Variants in SBSPON observed in about 807,000 individuals in gnomAD.
SBSPON encodes somatomedin-B and thrombospondin type-1 domain-containing protein.
In SBSPON, 30 loss-of-function variants were observed where a neutral mutation model predicts 35.8. The ratio of observed to expected loss-of-function variants is 0.84; its 90% CI spans 0.63 to 1.14. SBSPON has a LOEUF of 1.14. Among genes scored for constraint, SBSPON ranks in the 50% most tolerant of loss-of-function variants. The probability of loss-of-function intolerance (pLI) is 0.00; values close to 1 mark genes in which losing one functional copy is unlikely to be tolerated. For synonymous variants in SBSPON, 136 were observed against 135.9 expected, an observed-to-expected ratio of 1.00 and a Z score of 0.00; for missense variants, 364 against 357.7, an observed-to-expected ratio of 1.02 and a Z score of -0.14.
chr8:73,089,549 G>T (rs1362698414), intron 1 of SBSPON, among the ~76,000 whole-genome samples: 1 of 135,576 alleles, frequency 7.4e-6, no homozygotes, highest in East Asian at 2.0e-4. Context: ...GAGTGAATGA[G>T]ACTCCGTCTC....
intron 2 of SBSPON, among the ~76,000 whole-genome samples, chr8:73,074,005 C>A (rs192957840): frequency 6.6e-6 from 1 of 152,282 alleles, no homozygotes; most frequent in African/African-American, 2.4e-5. Context: ...CAGGATCCCT[C>A]TCTGTTTCTC....
rs1810379672 is a variant in SBSPON at position 73,065,902 on chromosome 8, G to A, written c.*1439C>T. On this transcript the variant is annotated 3_prime_UTR_variant, in exon 5 of 5. Coordinates refer to ENST00000297354, the MANE Select transcript of SBSPON (RefSeq NM_153225.4). Reference sequence around the variant, plus strand: ...CTGACTTAAAGTTGCTAGCCTTGATGAGACTCACATATTTTATTATTAATT... The same window carrying A: ...CTGACTTAAAGTTGCTAGCCTTGATAAGACTCACATATTTTATTATTAATT... 1.3e-5 allele frequency: 2 copies of A among 152,086 alleles called. No individual in the cohort carries two copies. Among genetic ancestry groups the A allele is most frequent in the African/African-American group, 4.8e-5 (2 of 41,414 alleles). The allele number at this position is 152,086 out of a possible 1,614,324, so 9.4% of individuals were successfully genotyped here.
At chr8:73,091,110 T>C (rs1810924473) in intron 1 of SBSPON, among the ~76,000 whole-genome samples, 1 of 152,176 alleles carries the variant, frequency 6.6e-6, no homozygotes, top group Non-Finnish European at 1.5e-5. Flanking sequence ...CTGTTCACCA[T>C]TTTGGCCTCA....
chr8:73,093,129 G>A lies in SBSPON; in HGVS notation c.-62C>T. 1 of 924,038 alleles carries A rather than the reference G, an allele frequency of 1.1e-6. No individual in the cohort carries two copies. Among genetic ancestry groups the A allele is most frequent in the Non-Finnish European group, 1.4e-6 (1 of 713,872 alleles). The allele number at this position is 924,038 out of a possible 1,614,324, so 57.2% of individuals were successfully genotyped here. A position where few individuals can be genotyped will look rare whatever the true frequency, so the allele number is the denominator to read the frequency against. ...CCCCGGGGCAAGCGCTCTGATCCTCGGCTGGCCGCGGCCCGGGAGCTGCCC... is the reference window on the plus strand; with the variant it reads ...CCCCGGGGCAAGCGCTCTGATCCTCAGCTGGCCGCGGCCCGGGAGCTGCCC... On this transcript the variant is annotated 5_prime_UTR_variant, in exon 1 of 5. Transcript: ENST00000297354.
chr8:73,084,749 GACACAC>G (rs57178636), intron 1 of SBSPON, among the ~76,000 whole-genome samples: 10,144 of 134,296 alleles, frequency 0.076, 378 homozygotes, highest in Admixed American at 0.11. Context: ...CCACTACACA[GACACAC>G]ACACACACAC....
At chr8:73,078,433 G>A (rs1810634294) in intron 2 of SBSPON, among the ~76,000 whole-genome samples, 1 of 152,194 alleles carries the variant, frequency 6.6e-6, no homozygotes, top group East Asian at 1.9e-4. Flanking sequence ...TATGATAGTA[G>A]GGAAGGAGGC....
chr8:73,078,729 A>C (rs536377853), intron 2 of SBSPON, among the ~76,000 whole-genome samples: 1 of 152,244 alleles, frequency 6.6e-6, no homozygotes, highest in African/African-American at 2.4e-5. Flanking sequence ...GACTGAGCGT[A>C]ATTTTGTTCT....
At chr8:73,074,687 T>G in intron 2 of SBSPON, 1 of 437,222 alleles carries the variant, frequency 2.3e-6, no homozygotes. Context: ...CGAATCATTA[T>G]GCTCTATGTG....
intron 1 of SBSPON, among the ~76,000 whole-genome samples, chr8:73,091,937 G>C (rs2130049599): frequency 6.6e-6 from 1 of 152,324 alleles, no homozygotes; most frequent in Non-Finnish European, 1.5e-5. Context: ...GGATCCTTCA[G>C]CTCGAACCCT....
intron 1 of SBSPON, among the ~76,000 whole-genome samples, 165 bp from the exon 2 acceptor site, chr8:73,081,378 T>C (rs1810701633): frequency 6.6e-6 from 1 of 152,138 alleles, no homozygotes; most frequent in Non-Finnish European, 1.5e-5. Flanking sequence ...CAGATGACAC[T>C]GATTCCACCT....
At chr8:73,088,372 G>A (rs934838176) in intron 1 of SBSPON, among the ~76,000 whole-genome samples, 7 of 152,124 alleles carry the variant, frequency 4.6e-5, no homozygotes, top group South Asian at 2.1e-4. Context: ...AGCAACAATA[G>A]GTAAAATAAT....
At chr8:73,077,879 G>A (rs1330192810) in intron 2 of SBSPON, among the ~76,000 whole-genome samples, 1 of 152,196 alleles carries the variant, frequency 6.6e-6, no homozygotes, top group Non-Finnish European at 1.5e-5. Flanking sequence ...CTTATGGAAT[G>A]AAAATGCAGA....
rs1810501410 is a variant in SBSPON, at chr8:73,071,945, A to G, written c.410-75T>C. On this transcript the variant is annotated intron_variant, in intron 2 of 4. Coordinates refer to ENST00000297354, the MANE Select transcript of SBSPON (RefSeq NM_153225.4). ...CATCGTTTCCCAATTTTGGTTTTGT[A>G]CCTGTCTAAGGGTCTCCATTCCTAA... 4.4e-6 allele frequency: 4 copies of G among 912,708 alleles called. No homozygotes were observed. In the Admixed American group the frequency reaches 5.5e-5, roughly 13 times the overall value. 56.5% of individuals were successfully genotyped at this position (912,708 alleles called of 1,614,324 possible).
At chr8:73,092,703 C>A (rs534058502) in intron 1 of SBSPON, 151 bp downstream of exon 1, 2 of 608,764 alleles carry the variant, frequency 3.3e-6, no homozygotes, top group Non-Finnish European at 5.8e-6. Flanking sequence ...CGGAGCCGGG[C>A]GTACCTGGAT....
Position 73,066,172 on chromosome 8 carries a change from A to T in SBSPON, c.*1169T>A, listed in dbSNP as rs1327567314. 6.6e-6 allele frequency: 1 copy of T among 152,180 alleles called. No individual in the cohort carries two copies. The highest frequency in any genetic ancestry group is 6.5e-5 in the Admixed American group (1 of 15,274). The allele number at this position is 152,180 out of a possible 1,614,324, so 9.4% of individuals were successfully genotyped here. On this transcript the variant is annotated 3_prime_UTR_variant, in exon 5 of 5. Coordinates refer to ENST00000297354, the MANE Select transcript of SBSPON (RefSeq NM_153225.4). ...TTACATCTCAAGACTCAATTCTCTAAACTAAATATCTTGAATTTAAAATTT... is the reference window on the plus strand; with the variant it reads ...TTACATCTCAAGACTCAATTCTCTATACTAAATATCTTGAATTTAAAATTT...
chr8:73,082,442 C>T (rs148827851), intron 1 of SBSPON, among the ~76,000 whole-genome samples: 422 of 152,286 alleles, frequency 2.8e-3, no homozygotes, highest in African/African-American at 9.4e-3. Context: ...TCTGCATTCA[C>T]GGTTTTTGGA....
At chr8:73,083,115 T>C (rs1810748270) in intron 1 of SBSPON, among the ~76,000 whole-genome samples, 1 of 152,246 alleles carries the variant, frequency 6.6e-6, no homozygotes, top group Non-Finnish European at 1.5e-5. Flanking sequence ...GTCTCTTGTC[T>C]AGTATTTGTT....
intron 2 of SBSPON, among the ~76,000 whole-genome samples, chr8:73,076,133 A>G (rs1354647180): frequency 6.6e-6 from 1 of 152,196 alleles, no homozygotes; most frequent in Non-Finnish European, 1.5e-5. Context: ...CATAAGACTT[A>G]GAGCCGGGAG....
chr8:73,075,967 G>C (rs1810587458), intron 2 of SBSPON, among the ~76,000 whole-genome samples: 1 of 152,126 alleles, frequency 6.6e-6, no homozygotes, highest in Non-Finnish European at 1.5e-5. Context: ...AAAGGAAATA[G>C]CTACTCAGTC....
Sources: allele counts gnomAD v4.1 joint callset (sites outside exome capture counted in the v4.1 genomes callset), GRCh38; gene constraint gnomAD v4.1.1; transcripts MANE v1.5; gene names NCBI Gene and HGNC (gene_info 2026-07-23, HGNC 2026-07-21).